Variants in NEMP2 observed in about 807,000 individuals in gnomAD.
The protein encoded by NEMP2 is UPF0571 transmembrane protein.
In NEMP2, 53 loss-of-function variants were observed where a neutral mutation model predicts 54.2. The observed-to-expected ratio is 0.98, with a 90% confidence interval of 0.78 to 1.23. The LOEUF (loss-of-function observed/expected upper bound fraction) is 1.23. Among genes scored for constraint, NEMP2 ranks in the 50% most tolerant of loss-of-function variants. The pLI, the probability that NEMP2 is intolerant of heterozygous loss-of-function variation, is 0.00. For missense variants in NEMP2, 455 were observed against 511.3 expected (o/e 0.89, Z 1.06); for synonymous variants, 197 against 190.3 (o/e 1.04, Z -0.29).
chr2:190,486,190 C>T, the NEMP2 span, among the ~76,000 whole-genome samples: 8 of 152,242 alleles, frequency 5.3e-5, no homozygotes, highest in Non-Finnish European at 1.2e-4. Context: ...TTGTTGAGTA[C>T]TCTACCAATC....
At chr2:190,478,176 C>A in the NEMP2 span, among the ~76,000 whole-genome samples, 1 of 152,198 alleles carries the variant, frequency 6.6e-6, no homozygotes, top group Non-Finnish European at 1.5e-5. Flanking sequence ...GGCTACGATA[C>A]ATACTTCTGT....
the NEMP2 span, among the ~76,000 whole-genome samples, chr2:190,567,072 A>G: frequency 6.6e-6 from 1 of 152,204 alleles, no homozygotes; most frequent in Non-Finnish European, 1.5e-5. The surrounding 1 kb of genome is among the most constrained non-coding windows in gnomAD (Gnocchi z 4.0). Flanking sequence ...TACTGTTTAA[A>G]TGCTAATTTA....
chr2:190,621,684 A>T, the NEMP2 span, among the ~76,000 whole-genome samples: 1 of 152,218 alleles, frequency 6.6e-6, no homozygotes, highest in Non-Finnish European at 1.5e-5. Flanking sequence ...CAGTAGTGGC[A>T]TAAGTATAGA....
rs1044073422 is a variant in NEMP2, at chr2:190,529,627, T to C, written c.98-4249A>G. 3.3e-5 allele frequency among the ~76,000 whole-genome samples: 5 copies of C among 152,238 alleles called. No individual in the cohort carries two copies. The highest frequency in any genetic ancestry group is 1.2e-4 in the African/African-American group (5 of 41,462). On this transcript the variant is annotated intron_variant, in intron 1 of 8. Coordinates refer to ENST00000409150, the MANE Select transcript of NEMP2 (RefSeq NM_001142645.2). The surrounding 1 kb of genome is among the most constrained non-coding windows in gnomAD (Gnocchi z 4.7). ...TCTCCATGAAGTCAGGGACATTGCA[T>C]GTTTATCACTGTAACCCCCAGAACT...
At chr2:190,441,063 C>T in the NEMP2 span, among the ~76,000 whole-genome samples, 5 of 152,098 alleles carry the variant, frequency 3.3e-5, no homozygotes, top group Non-Finnish European at 7.4e-5. Context: ...TGTGAGCTGG[C>T]CACTGAAGGG....
chr2:190,504,107 A>G (rs1423406727), downstream of NEMP2, among the ~76,000 whole-genome samples: 1 of 152,138 alleles, frequency 6.6e-6, no homozygotes, highest in Non-Finnish European at 1.5e-5. This position sits in a 1 kb window ranked among gnomAD's most constrained non-coding sequence, Gnocchi z 5.6. Context: ...CTGGAGTCAC[A>G]CTGTTTGCAT....
chr2:190,590,055 C>T, the NEMP2 span, among the ~76,000 whole-genome samples: 2 of 152,178 alleles, frequency 1.3e-5, no homozygotes, highest in Non-Finnish European at 2.9e-5. The surrounding 1 kb of genome is among the most constrained non-coding windows in gnomAD (Gnocchi z 5.1). Context: ...GAAACACATC[C>T]ATGGTCACAG....
chr2:190,490,432 G>A, the NEMP2 span, among the ~76,000 whole-genome samples: 1 of 151,928 alleles, frequency 6.6e-6, no homozygotes, highest in African/African-American at 2.4e-5. This position sits in a 1 kb window ranked among gnomAD's most constrained non-coding sequence, Gnocchi z 4.5. Context: ...GCACGGTGGT[G>A]GGCGCCTGTA....
the NEMP2 span, among the ~76,000 whole-genome samples, chr2:190,595,428 T>G: frequency 1.3e-5 from 2 of 152,116 alleles, no homozygotes; most frequent in Non-Finnish European, 2.9e-5. This position sits in a 1 kb window ranked among gnomAD's most constrained non-coding sequence, Gnocchi z 4.0. Context: ...CTAAAGAGCT[T>G]CTGCACAGCA....
At chr2:190,574,275 T>C in the NEMP2 span, among the ~76,000 whole-genome samples, 1 of 152,166 alleles carries the variant, frequency 6.6e-6, no homozygotes, top group African/African-American at 2.4e-5. Context: ...CTCCAGAAAG[T>C]TCATGAACTC....
the NEMP2 span, among the ~76,000 whole-genome samples, chr2:190,543,838 T>A: frequency 6.6e-6 from 1 of 152,232 alleles, no homozygotes; most frequent in Non-Finnish European, 1.5e-5. This position sits in a 1 kb window ranked among gnomAD's most constrained non-coding sequence, Gnocchi z 4.7. Context: ...ATTTTCAGCC[T>A]CTGCTTTTTT....
the NEMP2 span, among the ~76,000 whole-genome samples, chr2:190,636,179 T>C: frequency 6.6e-6 from 1 of 152,252 alleles, no homozygotes; most frequent in African/African-American, 2.4e-5. Context: ...CAACACTTTG[T>C]GCTGTCAGAC....
At chr2:190,487,053 T>G in the NEMP2 span, among the ~76,000 whole-genome samples, 1 of 152,100 alleles carries the variant, frequency 6.6e-6, no homozygotes, top group Non-Finnish European at 1.5e-5. This position sits in a 1 kb window ranked among gnomAD's most constrained non-coding sequence, Gnocchi z 5.5. Context: ...CTGAACTATA[T>G]ATTAAGAAGC....
chr2:190,585,610 C>T, the NEMP2 span, among the ~76,000 whole-genome samples: 2 of 152,206 alleles, frequency 1.3e-5, no homozygotes, highest in Non-Finnish European at 2.9e-5. The surrounding 1 kb of genome is among the most constrained non-coding windows in gnomAD (Gnocchi z 5.3). Flanking sequence ...CTGGTACAGC[C>T]ATATACAGCA....
At chr2:190,591,484 CGT>C in the NEMP2 span, among the ~76,000 whole-genome samples, 1 of 151,676 alleles carries the variant, frequency 6.6e-6, no homozygotes, top group Non-Finnish European at 1.5e-5. This position sits in a 1 kb window ranked among gnomAD's most constrained non-coding sequence, Gnocchi z 5.4. Flanking sequence ...CGTGTGTGTG[CGT>C]GTGTGTGTGT....
chr2:190,634,457 G>T, the NEMP2 span, among the ~76,000 whole-genome samples: 1 of 152,162 alleles, frequency 6.6e-6, no homozygotes, highest in African/African-American at 2.4e-5. The surrounding 1 kb of genome is among the most constrained non-coding windows in gnomAD (Gnocchi z 6.8). Context: ...AGAAAAAAAT[G>T]AAACTAAGAA....
the NEMP2 span, among the ~76,000 whole-genome samples, chr2:190,633,672 T>C: frequency 6.6e-6 from 1 of 152,236 alleles, no homozygotes; most frequent in Non-Finnish European, 1.5e-5. Flanking sequence ...GCAAATAGTA[T>C]GTACTCAGCA....
At chr2:190,458,569 C>T in the NEMP2 span, among the ~76,000 whole-genome samples, 27,437 of 152,108 alleles carry the variant, frequency 0.18, 2,612 homozygotes, top group East Asian at 0.29. This position sits in a 1 kb window ranked among gnomAD's most constrained non-coding sequence, Gnocchi z 5.3. Flanking sequence ...TCCTGTAGGC[C>T]TAGCTTCACC....
At chr2:190,465,416 G>A in the NEMP2 span, among the ~76,000 whole-genome samples, 17 of 148,638 alleles carry the variant, frequency 1.1e-4, no homozygotes, top group African/African-American at 3.4e-4. This position sits in a 1 kb window ranked among gnomAD's most constrained non-coding sequence, Gnocchi z 4.6. Flanking sequence ...TCTATATCTC[G>A]TGGAGAGACT....
Sources: allele counts gnomAD v4.1 joint callset (sites outside exome capture counted in the v4.1 genomes callset), GRCh38; gene constraint gnomAD v4.1.1; non-coding constraint Gnocchi (gnomAD v3.1); transcripts MANE v1.5; gene names NCBI Gene and HGNC (gene_info 2026-07-23, HGNC 2026-07-21).